The following TTLL7 variants were observed in gnomAD, a reference collection of about 807,000 sequenced individuals.
The protein encoded by TTLL7 is tubulin polyglutamylase TTLL7.
TTLL7 carries 53 observed loss-of-function variants against 120.2 expected under a neutral mutation model. The observed-to-expected ratio is 0.44, with a 90% CI of 0.35 to 0.55. The LOEUF is 0.55. TTLL7 is among the 20% of genes least tolerant of loss of function. The probability of loss-of-function intolerance (pLI) is 0.00; values close to 1 mark genes in which losing one functional copy is unlikely to be tolerated. For missense variants in TTLL7, 803 were observed against 1,054.7 expected (o/e 0.76, Z 3.31); for synonymous variants, 353 against 351.7 (o/e 1.00, Z -0.04).
intron 8 of TTLL7, among the ~76,000 whole-genome samples, chr1:83,935,970 T>C (rs1203130584): frequency 6.6e-6 from 1 of 152,196 alleles, no homozygotes; most frequent in Middle Eastern, 3.2e-3. Context: ...ATTAACTGAT[T>C]GTTTATAGAT....
At chr1:83,871,047 TAC>T in intron 20 of TTLL7, among the ~76,000 whole-genome samples, 1 of 148,792 alleles carries the variant, frequency 6.7e-6, no homozygotes, top group Admixed American at 6.7e-5. Context: ...CATATTTATA[TAC>T]ATTTATATAT....
intron 19 of TTLL7, among the ~76,000 whole-genome samples, chr1:83,884,900 GGTT>G (rs965869143): frequency 2.0e-5 from 3 of 151,450 alleles, no homozygotes; most frequent in Admixed American, 6.6e-5. Context: ...AAAATACTGG[GGTT>G]TTTTAATTGG....
chr1:83,912,231 G>A (rs1252562768), intron 14 of TTLL7, among the ~76,000 whole-genome samples: 1 of 152,120 alleles, frequency 6.6e-6, no homozygotes, highest in Non-Finnish European at 1.5e-5. Flanking sequence ...TGGAAGATCT[G>A]TAAAGACTGA....
rs1268818331 is a variant in TTLL7, at chr1:83,876,437, T to C, written c.2544-6355A>G. 8.6e-5 allele frequency among the ~76,000 whole-genome samples: 13 copies of C among 151,912 alleles called. No homozygotes were observed. In the East Asian group the frequency reaches 1.9e-3, roughly 22 times the overall value. On this transcript the variant is annotated intron_variant, in intron 20 of 20. Coordinates refer to ENST00000260505, the MANE Select transcript of TTLL7 (RefSeq NM_024686.6). Reference sequence around the variant, plus strand: ...GGTCCTTTGCTTTTGTGTATAGTGATAGAACAAACTTTGGTCAAATTCTTC... The same window carrying C: ...GGTCCTTTGCTTTTGTGTATAGTGACAGAACAAACTTTGGTCAAATTCTTC...
Position 83,942,610 on chromosome 1 carries a change from T to C in TTLL7, c.576A>G (p.Glu192=), listed in dbSNP as rs1433487883. 1 of 1,613,876 alleles carries C rather than the reference T, an allele frequency of 6.2e-7. No homozygotes were observed. Among genetic ancestry groups the C allele is most frequent in the African/African-American group, 1.3e-5 (1 of 74,938 alleles). ...QDHLIVQEYI[E]KPFLMEGYKF... is the part of the protein sequence containing the mutation. Reference sequence around the variant, plus strand: ...TGTAACCTTCCATTAGGAAAGGCTTTTCAATGTATTCTTGAACAATCAAAT... The same window carrying C: ...TGTAACCTTCCATTAGGAAAGGCTTCTCAATGTATTCTTGAACAATCAAAT... Residue 192 remains glutamate, a synonymous_variant, in exon 7 of 21, where the codon GAA becomes GAG. Transcript: ENST00000260505.
chr1:83,943,641 A>C (rs912019851), intron 6 of TTLL7, among the ~76,000 whole-genome samples: 4 of 152,234 alleles, frequency 2.6e-5, no homozygotes, highest in African/African-American at 9.6e-5. Flanking sequence ...CAACTACTAC[A>C]ATGAGCTGCA....
chr1:83,921,855 C>T (rs1351148806), intron 10 of TTLL7, among the ~76,000 whole-genome samples: 1 of 152,148 alleles, frequency 6.6e-6, no homozygotes, highest in Admixed American at 6.6e-5. Flanking sequence ...TCCATTTATA[C>T]TGACCACTCT....
At chr1:83,893,365 T>C (rs1366562464) in intron 18 of TTLL7, among the ~76,000 whole-genome samples, 1 of 151,970 alleles carries the variant, frequency 6.6e-6, no homozygotes, top group African/African-American at 2.4e-5. Flanking sequence ...TCCAACAAAA[T>C]TCTTTTGTAA....
At chr1:83,892,541 A>AATGTATAT (rs1655703220) in intron 18 of TTLL7, among the ~76,000 whole-genome samples, 10 of 75,110 alleles carry the variant, frequency 1.3e-4, no homozygotes, top group African/African-American at 4.2e-4. Flanking sequence ...TGAACATATG[A>AATGTATAT]ATGAACATAT....
chr1:83,986,428 G>A (rs1347386857), intron 1 of TTLL7, among the ~76,000 whole-genome samples: 1 of 152,124 alleles, frequency 6.6e-6, no homozygotes, highest in Admixed American at 6.5e-5. Context: ...ATTCATTCAG[G>A]ATAAAATGTC....
At chr1:83,941,993 T>C (rs1335023640) in intron 7 of TTLL7, among the ~76,000 whole-genome samples, 2 of 152,184 alleles carry the variant, frequency 1.3e-5, no homozygotes, top group African/African-American at 4.8e-5. Context: ...TGCTTTTTCC[T>C]TTTCATATAC....
Position 83,906,374 on chromosome 1 carries a change from C to A in TTLL7, c.2082G>T (p.Arg694=). Residue 694 remains arginine, a synonymous_variant, in exon 17 of 21, where the codon CGG becomes CGT. Coordinates refer to ENST00000260505, the MANE Select transcript of TTLL7 (RefSeq NM_024686.6). The part of the protein sequence containing the change: ...TLFVLKDMKI[R]FPGKSDAESE... ...ATTCTGCATCTGACTTTCCTGGAAACCGGATCTTCATGTCTTTGAGAACAA... is the reference window on the plus strand; with the variant it reads ...ATTCTGCATCTGACTTTCCTGGAAAACGGATCTTCATGTCTTTGAGAACAA... 3 of 1,612,498 alleles carry A rather than the reference C, an allele frequency of 1.9e-6. No homozygotes were observed. Among genetic ancestry groups the A allele is most frequent in the Non-Finnish European group, 2.5e-6 (3 of 1,179,088 alleles).
At chr1:83,901,510 C>T (rs1045427415) in intron 18 of TTLL7, among the ~76,000 whole-genome samples, 1 of 151,980 alleles carries the variant, frequency 6.6e-6, no homozygotes, top group East Asian at 1.9e-4. Flanking sequence ...CTACACTTCT[C>T]TCTCTTCTAG....
In TTLL7 at chr1:83,904,240, A is replaced by G. The variant is rs1656995798; in HGVS notation, c.2128-81T>C. On this transcript the variant is annotated intron_variant, in intron 17 of 20. Transcript: ENST00000260505. ...TAATTTGTGTAATGAAAGCACTATA[A>G]TATACTTGCAACAAATAATGCCAAC... is the stretch of plus-strand genomic sequence containing the variant. 7.0e-6 allele frequency: 7 copies of G among 998,778 alleles called. No individual in the cohort carries two copies. The South Asian group carries it at 1.0e-4, about 15-fold the overall frequency. 61.9% of individuals were successfully genotyped at this position (998,778 alleles called of 1,614,324 possible).
In TTLL7 at chr1:83,868,860, T is replaced by C. The variant is rs1207964712; in HGVS notation, c.*1102A>G. On this transcript the variant is annotated 3_prime_UTR_variant, in exon 21 of 21. Coordinates refer to ENST00000260505, the MANE Select transcript of TTLL7 (RefSeq NM_024686.6). ...CATCATTTTCTGTTCCTTTATGTGA[T>C]TATGAAAAGTAAAAATGAAAGCTAG... 6.6e-6 allele frequency: 1 copy of C among 152,110 alleles called. No individual in the cohort carries two copies. Among genetic ancestry groups the C allele is most frequent in the Non-Finnish European group, 1.5e-5 (1 of 68,014 alleles). 9.4% of individuals were successfully genotyped at this position (152,110 alleles called of 1,614,324 possible).
chr1:83,949,609 A>G, intron 4 of TTLL7: 1 of 375,278 alleles, frequency 2.7e-6, no homozygotes. Flanking sequence ...TACAGGTGTC[A>G]GCCACCACGC....
At chr1:83,933,387 C>T (rs1231150961) in intron 9 of TTLL7, among the ~76,000 whole-genome samples, 1 of 152,184 alleles carries the variant, frequency 6.6e-6, no homozygotes, top group South Asian at 2.1e-4. Flanking sequence ...GGCCTAGAAA[C>T]TCAGCTGATG....
chr1:83,965,395 C>A (rs555127167), intron 1 of TTLL7, among the ~76,000 whole-genome samples: 4 of 152,004 alleles, frequency 2.6e-5, no homozygotes, highest in Non-Finnish European at 4.4e-5. Flanking sequence ...TCTTCTGCCA[C>A]CTTGCGAAGA....
chr1:83,890,854 CTT>C lies in TTLL7; in HGVS notation c.2209-375_2209-374del, dbSNP rs1655403895. Among the ~76,000 whole-genome samples the C allele has an allele frequency of 2.0e-5, 3 of 152,158 alleles. No homozygotes were observed. In the South Asian group the frequency reaches 6.2e-4, roughly 32 times the overall value. ...CTTCAGTATATGACAGAGGCAATAA[CTT>C]AGACCAGTGGAATAAGAAGAGACTG... On this transcript the variant is annotated intron_variant, in intron 18 of 20. Coordinates refer to ENST00000260505, the MANE Select transcript of TTLL7 (RefSeq NM_024686.6).
Sources: allele counts gnomAD v4.1 joint callset (sites outside exome capture counted in the v4.1 genomes callset), GRCh38; gene constraint gnomAD v4.1.1; transcripts MANE v1.5; gene names NCBI Gene and HGNC (gene_info 2026-07-23, HGNC 2026-07-21).